Variants in RBM33 observed in about 807,000 individuals in gnomAD.
The protein encoded by RBM33 is RNA-binding protein 33.
A neutral mutation model predicts 132.6 loss-of-function variants in RBM33; 28 were observed. The ratio of observed to expected loss-of-function variants is 0.21; its 90% CI spans 0.16 to 0.29. RBM33 has a LOEUF of 0.29. Ranked by LOEUF, RBM33 falls within the 10% of genes least tolerant of loss-of-function variation. The pLI is 1.00. For missense variants in RBM33, 1,291 were observed against 1,518.5 expected (o/e 0.85, Z 2.49); for synonymous variants, 634 against 593.0 (o/e 1.07, Z -1.01).
intron 11 of RBM33, chr7:155,738,645 G>A: frequency 1.9e-6 from 1 of 532,078 alleles, no homozygotes; most frequent in African/African-American, 1.9e-5. Flanking sequence ...TATTATAATT[G>A]TTTAAAGGGT....
At chr7:155,663,217 T>TC (rs1798705097) in intron 1 of RBM33, among the ~76,000 whole-genome samples, 1 of 151,738 alleles carries the variant, frequency 6.6e-6, no homozygotes, top group African/African-American at 2.4e-5. Flanking sequence ...TTCTTTTTTT[T>TC]TTTTAAAGCA....
chr7:155,757,673 G>A (rs1407120025), intron 14 of RBM33, among the ~76,000 whole-genome samples: 1 of 152,186 alleles, frequency 6.6e-6, no homozygotes, highest in Non-Finnish European at 1.5e-5. Context: ...GTATTAGGCA[G>A]TTCTTGCACT....
At chr7:155,700,633 TGTGGCCTTTTAACAG>T (rs1799934783) in intron 5 of RBM33, 125 bp from the exon 6 acceptor site, 4 of 515,806 alleles carry the variant, frequency 7.8e-6, no homozygotes, top group Non-Finnish European at 1.3e-5. Context: ...TAGGGTTTCA[TGTGGCCTTTTAACAG>T]GACATTTTGC....
At chr7:155,688,474 C>T (rs1204599464) in intron 5 of RBM33, among the ~76,000 whole-genome samples, 1 of 152,174 alleles carries the variant, frequency 6.6e-6, no homozygotes, top group Non-Finnish European at 1.5e-5. Context: ...TTATTTCTTT[C>T]TCCTGCCTGA....
chr7:155,701,222 A>C (rs1210036677), intron 6 of RBM33: 2 of 510,216 alleles, frequency 3.9e-6, no homozygotes, highest in Non-Finnish European at 6.9e-6. Flanking sequence ...GCTCTTGTAC[A>C]TGCTGTGGTT....
chr7:155,706,282 G>A (rs972325032), intron 6 of RBM33, among the ~76,000 whole-genome samples: 9 of 152,140 alleles, frequency 5.9e-5, no homozygotes, highest in African/African-American at 1.7e-4. Flanking sequence ...GCCTGAACTC[G>A]GGAGTTCGGG....
chr7:155,673,946 T>TTTG (rs1563138345), intron 3 of RBM33, among the ~76,000 whole-genome samples: 283 of 25,762 alleles, frequency 0.011, 20 homozygotes, highest in African/African-American at 0.042. Context: ...CTTAGTTTTT[T>TTTG]TTTTTTTTTT....
At chr7:155,647,192 A>G (rs1397961620) in intron 1 of RBM33, among the ~76,000 whole-genome samples, 8 of 152,256 alleles carry the variant, frequency 5.3e-5, no homozygotes, top group African/African-American at 1.7e-4. Flanking sequence ...AATTTCATGA[A>G]CAATACTGGT....
chr7:155,732,540 G>A (rs555404042), intron 9 of RBM33, among the ~76,000 whole-genome samples: 2 of 152,298 alleles, frequency 1.3e-5, no homozygotes, highest in African/African-American at 4.8e-5. Flanking sequence ...ATCCGTAGCC[G>A]ACTTTCACCT....
chr7:155,644,948 C>A (rs914449813), intron 1 of RBM33, 29 bp downstream of exon 1: 2 of 1,473,282 alleles, frequency 1.4e-6, no homozygotes, highest in Admixed American at 2.3e-5. Flanking sequence ...CTCTGGGGGC[C>A]AGGACCGCGC....
At chr7:155,737,763 G>T in intron 10 of RBM33, 101 bp downstream of exon 10, 1 of 1,317,424 alleles carries the variant, frequency 7.6e-7, no homozygotes, top group Middle Eastern at 1.9e-4. Flanking sequence ...CCCAGTTGGA[G>T]ATGTTAGGAA....
At chr7:155,742,616 A>G (rs187996787) in intron 13 of RBM33, among the ~76,000 whole-genome samples, 3 of 152,256 alleles carry the variant, frequency 2.0e-5, no homozygotes, top group African/African-American at 4.8e-5. Flanking sequence ...CTTGATTTAC[A>G]CTATTAACCT....
chr7:155,779,438 T>C lies in RBM33; in HGVS notation c.*4397T>C, dbSNP rs1336173573. On this transcript the variant is annotated 3_prime_UTR_variant, in exon 18 of 18. Transcript: ENST00000401878. ...TAGTGTATTTAAAGAGCATTTCAGT[T>C]AACTTTTTCAGCTATTTTTAAAGTT... The C allele has an allele frequency of 6.6e-6, 1 of 152,242 alleles. No homozygotes were observed. Among genetic ancestry groups the C allele is most frequent in the East Asian group, 1.9e-4 (1 of 5,200 alleles). The allele number at this position is 152,242 out of a possible 1,614,324, so 9.4% of individuals were successfully genotyped here.
intron 3 of RBM33, among the ~76,000 whole-genome samples, chr7:155,673,692 A>G (rs144862525): frequency 1.2e-4 from 16 of 129,346 alleles, no homozygotes; most frequent in African/African-American, 5.2e-4. Context: ...ATATATACAC[A>G]CATATATACA....
chr7:155,658,549 C>T (rs1302691694), intron 1 of RBM33, among the ~76,000 whole-genome samples: 3 of 151,988 alleles, frequency 2.0e-5, no homozygotes, highest in Admixed American at 6.6e-5. Context: ...AACAGGCGCT[C>T]GCCACCAAGC....
chr7:155,700,849 C>G lies in RBM33; in HGVS notation c.644C>G (p.Ser215Cys). 1 of 1,608,780 alleles carries G rather than the reference C, an allele frequency of 6.2e-7. No individual in the cohort carries two copies. The highest frequency in any genetic ancestry group is 8.5e-7 in the Non-Finnish European group (1 of 1,177,228). ...GAAGAAGAAGAAGATGATGAAGAATCTGGACGATTACGTTTCAAAACTGAA... is the reference window on the plus strand; with the variant it reads ...GAAGAAGAAGAAGATGATGAAGAATGTGGACGATTACGTTTCAAAACTGAA... Reference protein sequence around the residue: ...SDEEEEDDEESGRLRFKTERK... With the variant: ...SDEEEEDDEECGRLRFKTERK... Residue 215 changes from serine to cysteine, a missense_variant, in exon 6 of 18, where the codon TCT (serine) becomes TGT (cysteine). Ser to Cys is a moderately radical substitution (Grantham distance 112, BLOSUM62 -1). Around this residue, in one of 7 missense-constraint regions of RBM33, gnomAD observed 194 missense variants for 249.8 expected, o/e 0.78. Transcript: ENST00000401878.
chr7:155,771,524 T>C (rs1802425090), intron 16 of RBM33, among the ~76,000 whole-genome samples: 2 of 152,190 alleles, frequency 1.3e-5, no homozygotes, highest in Non-Finnish European at 2.9e-5. Context: ...AAGTTAATGC[T>C]TTCTTCACGG....
At chr7:155,748,288 G>A (rs1801583498) in intron 14 of RBM33, among the ~76,000 whole-genome samples, 1 of 152,080 alleles carries the variant, frequency 6.6e-6, no homozygotes, top group Non-Finnish European at 1.5e-5. Flanking sequence ...TTTAACTAGT[G>A]TAACTAAATC....
intron 9 of RBM33, among the ~76,000 whole-genome samples, chr7:155,722,613 C>T (rs1321344255): frequency 6.6e-6 from 1 of 151,904 alleles, no homozygotes; most frequent in Non-Finnish European, 1.5e-5. Flanking sequence ...TGTATTTGTC[C>T]TCAGAGAGTT....
Sources: gnomAD v4.1 joint callset for allele counts (sites outside exome capture counted in the v4.1 genomes callset) on GRCh38, gnomAD v4.1.1 for gene constraint, gnomAD v4.1.1 regional missense constraint, MANE v1.5 for transcripts, NCBI Gene and HGNC (gene_info 2026-07-23, HGNC 2026-07-21) for gene names.